BCL2L14: variants seen among roughly 807,000 people sequenced by gnomAD.
BCL2L14 encodes the protein BCL2 like 14.
In BCL2L14, 27 loss-of-function variants were observed where a neutral mutation model predicts 35.3. That is an observed-to-expected ratio of 0.76 (90% CI 0.56 to 1.05). BCL2L14 has a LOEUF of 1.05. BCL2L14 is among the 50% of genes least tolerant of loss of function. BCL2L14 has a pLI of 0.00. For synonymous variants in BCL2L14, 139 were observed against 145.9 expected (o/e 0.95, Z 0.34); for missense variants, 377 against 382.6 (o/e 0.99, Z 0.12).
intron 2 of BCL2L14, among the ~76,000 whole-genome samples, chr12:12,084,272 C>T (rs563077734): frequency 3.9e-5 from 6 of 152,276 alleles, no homozygotes; most frequent in East Asian, 1.9e-4. Flanking sequence ...GCTCCCTTTT[C>T]GAGAGCTTTC....
rs74986255 is a variant in BCL2L14, at chr12:12,056,149, C to A, written c.-272+4302C>A. 7.9e-3 allele frequency among the ~76,000 whole-genome samples: 1,199 copies of A among 152,272 alleles called. 13 individuals are homozygous for A. The highest frequency in any genetic ancestry group is 0.028 in the African/African-American group (1,146 of 41,546). ...TCCTTGGTTACAAATCCCCATTTGC[C>A]TCTGCTGCATTCAGAGTTGAGCCCA... On this transcript the variant is annotated intron_variant, in intron 2 of 3. Transcript: ENST00000461264.
rs539800169 is a variant in BCL2L14, at chr12:12,099,093, T to C, written c.*105T>C. The C allele has an allele frequency of 1.2e-4, 96 of 829,436 alleles. No individual in the cohort carries two copies. Among genetic ancestry groups the C allele is most frequent in the Admixed American group, 2.1e-4 (10 of 46,994 alleles). 51.4% of individuals were successfully genotyped at this position (829,436 alleles called of 1,614,324 possible). A position where few individuals can be genotyped will look rare whatever the true frequency, so the allele number is the denominator to read the frequency against. On this transcript the variant is annotated 3_prime_UTR_variant, in exon 6 of 6. Coordinates refer to ENST00000308721, the MANE Select transcript of BCL2L14 (RefSeq NM_138723.2). ...TACAACGTACAAGGCAGATGGAGCA[T>C]TGACGTTTTCAAAACCATTATTCCT... is the stretch of plus-strand genomic sequence containing the variant.
At chr12:12,066,613 C>G (rs1251455508), upstream of BCL2L14, among the ~76,000 whole-genome samples, 3 of 152,102 alleles carry the variant, frequency 2.0e-5, no homozygotes, top group East Asian at 5.8e-4. Context: ...GGCATCATTT[C>G]TCAGGAAACA....
At chr12:12,096,162 G>C (rs1949307770) in intron 5 of BCL2L14, 1 of 983,232 alleles carries the variant, frequency 1.0e-6, no homozygotes, top group African/African-American at 1.7e-5. Context: ...ATATACAAAA[G>C]ATGATCAAAT....
chr12:12,062,648 C>T (rs889218678), intron 2 of BCL2L14, among the ~76,000 whole-genome samples: 9 of 152,018 alleles, frequency 5.9e-5, no homozygotes, highest in East Asian at 1.9e-4. Context: ...AACTAAAATA[C>T]CTCTTAGTCT....
At chr12:12,073,585 C>G (rs1057174780) in intron 1 of BCL2L14, among the ~76,000 whole-genome samples, 2 of 151,472 alleles carry the variant, frequency 1.3e-5, no homozygotes, top group Non-Finnish European at 2.9e-5. Flanking sequence ...CACGCACACA[C>G]AAACATGCAT....
chr12:12,064,579 T>C (rs1472153948), intron 2 of BCL2L14, among the ~76,000 whole-genome samples: 2 of 152,214 alleles, frequency 1.3e-5, no homozygotes, highest in Non-Finnish European at 2.9e-5. Flanking sequence ...CACAACAGCA[T>C]GCCTATCTTT....
At chr12:12,079,803 T>C in intron 2 of BCL2L14, 65 bp downstream of exon 2, 1 of 1,499,814 alleles carries the variant, frequency 6.7e-7, no homozygotes, top group Non-Finnish European at 9.1e-7. Flanking sequence ...TCCAGAGTGG[T>C]ACATCTCTTC....
At chr12:12,070,750 T>A (rs76431378), upstream of BCL2L14, among the ~76,000 whole-genome samples, 1 of 151,986 alleles carries the variant, frequency 6.6e-6, no homozygotes, top group East Asian at 1.9e-4. Context: ...TTTGTTTAAC[T>A]AACAACTGAT....
chr12:12,051,135 C>T lies in BCL2L14; in HGVS notation c.-323-661C>T, dbSNP rs1948352819. ...TGTAGGGGCACCAGACAGCAGTGAG[C>T]AGGGTGTATAAGAGTGAGGGAGGGG... On this transcript the variant is annotated intron_variant, in intron 1 of 3. Coordinates refer to the BCL2L14 transcript ENST00000461264. Among the ~76,000 whole-genome samples, 3 of 152,100 alleles carry T rather than the reference C, an allele frequency of 2.0e-5. No homozygotes were observed. The South Asian group carries it at 6.2e-4, about 32-fold the overall frequency.
chr12:12,087,917 G>A (rs73053308), intron 3 of BCL2L14, among the ~76,000 whole-genome samples: 13,392 of 152,194 alleles, frequency 0.088, 821 homozygotes, highest in Non-Finnish European at 0.12. Context: ...GATCCCATCA[G>A]GCTGGTGGTA....
chr12:12,094,972 G>T, intron 5 of BCL2L14, 42 bp downstream of exon 5: 1 of 1,572,330 alleles, frequency 6.4e-7, no homozygotes, highest in Non-Finnish European at 8.6e-7. Context: ...TCAGAACTCA[G>T]AAGAGATGGG....
chr12:12,082,610 G>A (rs551984523), intron 2 of BCL2L14, among the ~76,000 whole-genome samples: 1 of 152,072 alleles, frequency 6.6e-6, no homozygotes, highest in Non-Finnish European at 1.5e-5. Context: ...TTTTTCAGTA[G>A]GGAAAGAAAA....
intron 1 of BCL2L14, among the ~76,000 whole-genome samples, chr12:12,075,549 C>T (rs926638227): frequency 1.3e-5 from 2 of 152,070 alleles, no homozygotes; most frequent in African/African-American, 2.4e-5. Flanking sequence ...CCTCAGCCTC[C>T]CGAGTAGCTG....
At chr12:12,063,646 C>T (rs1175159915) in intron 2 of BCL2L14, among the ~76,000 whole-genome samples, 1 of 152,108 alleles carries the variant, frequency 6.6e-6, no homozygotes, top group Non-Finnish European at 1.5e-5. Flanking sequence ...ACCACTATTT[C>T]GTTTTATTTT....
intron 5 of BCL2L14, among the ~76,000 whole-genome samples, chr12:12,097,459 C>A (rs994420375): frequency 2.4e-4 from 37 of 152,162 alleles, no homozygotes; most frequent in African/African-American, 8.7e-4. Context: ...TGTATGATTC[C>A]ATGTATATGA....
intron 2 of BCL2L14, among the ~76,000 whole-genome samples, chr12:12,060,164 C>T (rs1948499806): frequency 1.3e-5 from 2 of 151,520 alleles, no homozygotes; most frequent in East Asian, 2.0e-4. Flanking sequence ...CCCCTCCTCA[C>T]ACCCGGTCCG....
chr12:12,087,142 C>A, intron 2 of BCL2L14, 71 bp from the exon 3 acceptor site: 1 of 1,516,526 alleles, frequency 6.6e-7, no homozygotes. Context: ...TCATTCCAGG[C>A]AACTTTGCAT....
intron 1 of BCL2L14, among the ~76,000 whole-genome samples, chr12:12,050,394 C>G (rs1026851829): frequency 6.9e-6 from 1 of 145,150 alleles, no homozygotes; most frequent in Non-Finnish European, 1.5e-5. Context: ...GATTGCGCCA[C>G]TGCACTCCAA....
Sources: allele counts gnomAD v4.1 joint callset (sites outside exome capture counted in the v4.1 genomes callset), GRCh38; gene constraint gnomAD v4.1.1; transcripts MANE v1.5; gene names NCBI Gene and HGNC (gene_info 2026-07-23, HGNC 2026-07-21).